Variants in SOX5 observed in about 807,000 individuals in gnomAD.
The protein encoded by SOX5 is SRY-box transcription factor 5.
Under a neutral mutation model 92.0 loss-of-function variants are expected in SOX5, and 9 were observed. The observed-to-expected ratio is 0.10, with a 90% CI of 0.06 to 0.17. SOX5 has a LOEUF of 0.17. Ranked by LOEUF, SOX5 falls within the 10% of genes least tolerant of loss-of-function variation. The pLI, the probability that SOX5 is intolerant of heterozygous loss-of-function variation, is 1.00. For missense variants in SOX5, 642 were observed against 944.5 expected, an observed-to-expected ratio of 0.68 and a Z score of 4.20; for synonymous variants, 344 against 336.3, an observed-to-expected ratio of 1.02 and a Z score of -0.25.
chr12:23,943,318 T>C (rs956600766), intron 1 of SOX5, among the ~76,000 whole-genome samples: 1 of 151,562 alleles, frequency 6.6e-6, no homozygotes, highest in Non-Finnish European at 1.5e-5. Context: ...GCAAGAAAAA[T>C]AAACAGCTTT....
chr12:24,067,189 C>A (rs1224792549), intron 4 of SOX5, among the ~76,000 whole-genome samples: 1 of 152,148 alleles, frequency 6.6e-6, no homozygotes, highest in Non-Finnish European at 1.5e-5. Flanking sequence ...CCAGTGGAGG[C>A]TAAGCAGAAG....
At chr12:24,289,776 CTTAGAAGATAGAGCTATTA>C (rs1055488098) in intron 2 of SOX5, among the ~76,000 whole-genome samples, 4 of 152,152 alleles carry the variant, frequency 2.6e-5, no homozygotes, top group African/African-American at 4.8e-5. Flanking sequence ...TCTTGAAAGC[CTTAGAAGATAGAGCTATTA>C]TCTTCCTGTA....
chr12:24,327,499 T>C (rs1016541506), intron 2 of SOX5, among the ~76,000 whole-genome samples: 1 of 144,048 alleles, frequency 6.9e-6, no homozygotes, highest in Non-Finnish European at 1.5e-5. Context: ...AACTGCAACC[T>C]CTACCTCCCA....
intron 7 of SOX5, among the ~76,000 whole-genome samples, chr12:23,647,822 G>A (rs2081055291): frequency 6.6e-6 from 1 of 152,168 alleles, no homozygotes; most frequent in Non-Finnish European, 1.5e-5. Context: ...GGAATGTTGT[G>A]GCTGGTTTGA....
chr12:24,475,982 C>T (rs1460787625), intron 1 of SOX5, among the ~76,000 whole-genome samples: 3 of 135,098 alleles, frequency 2.2e-5, no homozygotes, highest in Non-Finnish European at 4.7e-5. Context: ...ACCCTGTCTC[C>T]GAAATACATT....
At chr12:24,048,572 T>A (rs1957263294) in intron 4 of SOX5, among the ~76,000 whole-genome samples, 3 of 152,196 alleles carry the variant, frequency 2.0e-5, no homozygotes, top group Admixed American at 2.0e-4. Flanking sequence ...TAATGTGAAT[T>A]CATACTCATT....
rs1242669783 is a variant in SOX5, at chr12:24,263,174, A to C, written c.-77+14042T>G. Among the ~76,000 whole-genome samples the C allele has an allele frequency of 2.0e-5, 3 of 152,028 alleles. No homozygotes were observed. In the East Asian group the frequency reaches 5.8e-4, roughly 29 times the overall value. On this transcript the variant is annotated intron_variant, in intron 3 of 4. Coordinates refer to the SOX5 transcript ENST00000446891. Reference sequence around the variant, plus strand: ...CGGGAGGCAGAGGTTTCAGTGAGCCAAGATTGCACCACTGCACTCCAGCCT... The same window carrying C: ...CGGGAGGCAGAGGTTTCAGTGAGCCCAGATTGCACCACTGCACTCCAGCCT...
intron 1 of SOX5, among the ~76,000 whole-genome samples, chr12:24,472,420 T>G (rs559223315): frequency 6.6e-6 from 1 of 152,214 alleles, no homozygotes; most frequent in Non-Finnish European, 1.5e-5. Flanking sequence ...AACCTCTTAT[T>G]ACAGACAAAT....
At chr12:24,043,871 A>G (rs1956753494) in intron 4 of SOX5, among the ~76,000 whole-genome samples, 1 of 152,200 alleles carries the variant, frequency 6.6e-6, no homozygotes, top group South Asian at 2.1e-4. Flanking sequence ...TGTAACAACA[A>G]TTTTAATTAT....
chr12:24,510,212 A>G (rs1221973765), intron 1 of SOX5, among the ~76,000 whole-genome samples: 3 of 152,234 alleles, frequency 2.0e-5, no homozygotes, highest in South Asian at 2.1e-4. Flanking sequence ...GCAGTCTACA[A>G]TCAACACACA....
chr12:24,330,623 C>T (rs537881329), intron 2 of SOX5, among the ~76,000 whole-genome samples: 12 of 152,288 alleles, frequency 7.9e-5, no homozygotes, highest in East Asian at 1.9e-4. Flanking sequence ...CCCACTTAAA[C>T]GAAAGTTTCA....
upstream of SOX5, among the ~76,000 whole-genome samples, chr12:23,953,049 A>G (rs1215081202): frequency 6.6e-6 from 1 of 152,192 alleles, no homozygotes; most frequent in Non-Finnish European, 1.5e-5. Flanking sequence ...AAAAGCTGTC[A>G]TTAAGCTAAT....
chr12:23,596,512 A>G (rs1410618448), intron 9 of SOX5, among the ~76,000 whole-genome samples: 1 of 152,214 alleles, frequency 6.6e-6, no homozygotes, highest in African/African-American at 2.4e-5. Context: ...GACATTAAGA[A>G]TAGTCCTCCT....
intron 4 of SOX5, among the ~76,000 whole-genome samples, chr12:24,093,968 C>T (rs182304994): frequency 1.3e-5 from 2 of 152,158 alleles, no homozygotes; most frequent in African/African-American, 2.4e-5. Flanking sequence ...TGTTTTGGAA[C>T]AAAGTTTTGC....
intron 1 of SOX5, among the ~76,000 whole-genome samples, chr12:24,481,635 T>C (rs1456553950): frequency 6.6e-6 from 1 of 152,212 alleles, no homozygotes; most frequent in African/African-American, 2.4e-5. Flanking sequence ...CATTTAATTC[T>C]CAGAGCTACA....
chr12:23,924,432 A>G (rs1342245851), intron 1 of SOX5, among the ~76,000 whole-genome samples: 1 of 152,142 alleles, frequency 6.6e-6, no homozygotes, highest in African/African-American at 2.4e-5. Context: ...CAAAGGCCTT[A>G]TATAATTTGA....
rs572511585 is a variant in SOX5, at chr12:23,569,573, G to A, written c.1342+6088C>T. Among the ~76,000 whole-genome samples, 6 of 152,268 alleles carry A rather than the reference G, an allele frequency of 3.9e-5. No homozygotes were observed. The East Asian group carries it at 5.8e-4, about 15-fold the overall frequency. ...AGAGTCTCCTCATGATGTCAACTCT[G>A]CTTATCTTTCCTGTGTCCCCTCTTG... On this transcript the variant is annotated intron_variant, in intron 10 of 14. Coordinates refer to ENST00000451604, the MANE Select transcript of SOX5 (RefSeq NM_006940.6).
chr12:24,082,028 TG>T (rs751571700), intron 4 of SOX5, among the ~76,000 whole-genome samples: 16 of 151,964 alleles, frequency 1.1e-4, no homozygotes, highest in Non-Finnish European at 7.4e-5. Context: ...AAACTTACTT[TG>T]TATTTAATTT....
intron 1 of SOX5, among the ~76,000 whole-genome samples, chr12:23,937,468 A>C (rs1320515751): frequency 6.6e-6 from 1 of 150,968 alleles, no homozygotes; most frequent in African/African-American, 2.4e-5. Context: ...TTAATACTAT[A>C]AATTCAGAAC....
Sources: gnomAD v4.1 joint callset for allele counts (sites outside exome capture counted in the v4.1 genomes callset) on GRCh38, gnomAD v4.1.1 for gene constraint, MANE v1.5 for transcripts, NCBI Gene and HGNC (gene_info 2026-07-23, HGNC 2026-07-21) for gene names.